USP14: variants seen among roughly 807,000 people sequenced by gnomAD.
The protein encoded by USP14 is ubiquitin specific peptidase 14, also known as ubiquitin carboxyl-terminal hydrolase 14.
In USP14, 38 loss-of-function variants were observed where a neutral mutation model predicts 76.5. The ratio of observed to expected loss-of-function variants is 0.50; its 90% CI spans 0.38 to 0.65. USP14 has a LOEUF of 0.65. Ranked by LOEUF, USP14 falls within the 30% of genes least tolerant of loss-of-function variation. The pLI is 0.00. For missense variants in USP14, 467 were observed against 586.5 expected (o/e 0.80, Z 2.10); for synonymous variants, 192 against 191.7 (o/e 1.00, Z -0.01).
rs762045934 is a variant in USP14, at chr18:204,609, C to T, written c.1081C>T (p.Pro361Ser). 1.2e-6 allele frequency: 2 copies of T among 1,612,894 alleles called. No individual in the cohort carries two copies. The highest frequency in any genetic ancestry group is 2.7e-5 in the African/African-American group (2 of 74,836). The change falls in exon 13 of 16, where the codon CCA becomes TCA. Residue 361 changes from proline to serine, a missense_variant. Coordinates refer to ENST00000261601, the MANE Select transcript of USP14 (RefSeq NM_005151.4). Reference sequence around the variant, plus strand: ...GTTGGATATGTATGAACTGTGTACACCAGAACTTCAAGAGAAAATGGTGTC... The same window carrying T: ...GTTGGATATGTATGAACTGTGTACATCAGAACTTCAAGAGAAAATGGTGTC... ...LMLDMYELCT[P>S]ELQEKMVSFR...
At chr18:178,552 A>G (rs1458953247) in intron 3 of USP14, among the ~76,000 whole-genome samples, 1 of 152,160 alleles carries the variant, frequency 6.6e-6, no homozygotes, top group Non-Finnish European at 1.5e-5. Context: ...AACCACTACC[A>G]CAATCACGAT....
At chr18:175,419 C>G (rs181612315) in intron 3 of USP14, among the ~76,000 whole-genome samples, 10 of 152,252 alleles carry the variant, frequency 6.6e-5, no homozygotes, top group Admixed American at 2.6e-4. Flanking sequence ...TTCAGGAACT[C>G]TTTCTAGTTT....
chr18:185,010 AT>A (rs900904231), intron 5 of USP14, among the ~76,000 whole-genome samples: 7 of 152,168 alleles, frequency 4.6e-5, no homozygotes, highest in South Asian at 2.1e-4. Flanking sequence ...TTATAAAAAA[AT>A]CATCCTAAAA....
chr18:189,693 G>C (rs896233719), intron 5 of USP14, among the ~76,000 whole-genome samples: 4 of 152,260 alleles, frequency 2.6e-5, no homozygotes, highest in African/African-American at 9.6e-5. Flanking sequence ...ATGTTGGCCA[G>C]GATGGTCTCG....
intron 3 of USP14, among the ~76,000 whole-genome samples, chr18:175,763 AT>A (rs1909609982): frequency 6.6e-6 from 1 of 151,614 alleles, no homozygotes; most frequent in Admixed American, 6.6e-5. Flanking sequence ...TTGTATTAAT[AT>A]TTTTTCTTCC....
Position 213,930 on chromosome 18 carries a change from A to AAAG in USP14, c.*2647_*2649dup, listed in dbSNP as rs954142940. On this transcript the variant is annotated 3_prime_UTR_variant, in exon 16 of 16. Coordinates refer to ENST00000261601, the MANE Select transcript of USP14 (RefSeq NM_005151.4). ...TGAGGTTTTAGACTTCATTTCTTTT[A>AAAG]AAGTTGGCAAACAAACATTTTCTGT... 46 of 151,588 alleles carry AAAG rather than the reference A, an allele frequency of 3.0e-4. 1 individual carries two copies. Among genetic ancestry groups the AAAG allele is most frequent in the African/African-American group, 1.1e-3 (46 of 41,472 alleles). The allele number at this position is 151,588 out of a possible 1,614,324, so 9.4% of individuals were successfully genotyped here.
rs145952708 is a variant in USP14, at chr18:180,181, A to C, written c.301-55A>C. On this transcript the variant is annotated intron_variant, in intron 4 of 15. Transcript: ENST00000261601. Reference sequence around the variant, plus strand: ...TTTAGTGATTTATATATGCCATGTCATTTTGTAAAAATGGTTTAATGATTT... The same window carrying C: ...TTTAGTGATTTATATATGCCATGTCCTTTTGTAAAAATGGTTTAATGATTT... 2,935 of 1,005,514 alleles carry C rather than the reference A, an allele frequency of 2.9e-3. 64 individuals carry two copies. The African/African-American group carries it at 0.043, about 15-fold the overall frequency. The allele number at this position is 1,005,514 out of a possible 1,614,324, so 62.3% of individuals were successfully genotyped here.
chr18:182,282 A>ACT (rs1299478477), intron 5 of USP14, among the ~76,000 whole-genome samples: 1 of 152,198 alleles, frequency 6.6e-6, no homozygotes, highest in Non-Finnish European at 1.5e-5. Flanking sequence ...AATTTATACA[A>ACT]CTGTCTTGAT....
intron 7 of USP14, 142 bp downstream of exon 7, chr18:196,909 A>G: frequency 9.5e-7 from 1 of 1,052,660 alleles, no homozygotes; most frequent in South Asian, 1.6e-5. Context: ...CTGGAGCCGC[A>G]CAGTAGTCTT....
intron 1 of USP14, among the ~76,000 whole-genome samples, chr18:160,309 A>C (rs1909082200): frequency 6.6e-6 from 1 of 152,206 alleles, no homozygotes; most frequent in African/African-American, 2.4e-5. Context: ...GGTCTCAAGA[A>C]AAGAAAAAAA....
intron 3 of USP14, among the ~76,000 whole-genome samples, chr18:178,247 A>G (rs1397302855): frequency 6.6e-6 from 1 of 151,866 alleles, no homozygotes. Flanking sequence ...CTTGAACTGG[A>G]CTCCAACCAT....
intron 5 of USP14, among the ~76,000 whole-genome samples, chr18:183,984 A>G (rs778547839): frequency 9.2e-5 from 14 of 151,460 alleles, no homozygotes; most frequent in Non-Finnish European, 1.9e-4. Flanking sequence ...TTTCCTCTTT[A>G]CTGTTTTCTT....
Position 214,509 on chromosome 18 carries a change from C to G in USP14, c.*3225C>G, listed in dbSNP as rs1467094224. Reference sequence around the variant, plus strand: ...CTATTGTTCTCAGAGCACCAGCCGACTGTACAACAATTGTTATAAAAATGT... The same window carrying G: ...CTATTGTTCTCAGAGCACCAGCCGAGTGTACAACAATTGTTATAAAAATGT... On this transcript the variant is annotated 3_prime_UTR_variant, in exon 16 of 16. Transcript: ENST00000261601. 3.7e-6 allele frequency: 3 copies of G among 821,304 alleles called. No individual in the cohort carries two copies. The highest frequency in any genetic ancestry group is 5.6e-6 in the Non-Finnish European group (3 of 536,880). 50.9% of individuals were successfully genotyped at this position (821,304 alleles called of 1,614,324 possible).
At chr18:173,727 A>G (rs955016777) in intron 3 of USP14, among the ~76,000 whole-genome samples, 2 of 152,110 alleles carry the variant, frequency 1.3e-5, no homozygotes, top group African/African-American at 4.8e-5. Context: ...CCGGTCTATT[A>G]TCTGTTTTGA....
intron 12 of USP14, 104 bp downstream of exon 12, chr18:203,294 T>C: frequency 1.8e-6 from 2 of 1,084,274 alleles, no homozygotes; most frequent in Non-Finnish European, 2.7e-6. Flanking sequence ...AAGCTTTCTT[T>C]GAAATATTTA....
At position 178,994 on chromosome 18, in the gene USP14, C is replaced by T. The variant is rs1272026914; in HGVS notation, c.257C>T (p.Thr86Ile). The change falls in exon 4 of 16, where the codon ACT becomes ATT. Residue 86 changes from threonine to isoleucine, a missense_variant. Transcript: ENST00000261601. ...DALPEEPSAKTVFVEDMTEEQ... is the reference protein window; with the variant it reads ...DALPEEPSAKIVFVEDMTEEQ... ...CTTCCAGAAGAACCCTCAGCCAAAA[C>T]TGTCTTCGTAGAAGACATGACAGAA... The T allele has an allele frequency of 4.3e-6, 7 of 1,613,286 alleles. No individual in the cohort carries two copies. Among genetic ancestry groups the T allele is most frequent in the Non-Finnish European group, 5.9e-6 (7 of 1,179,712 alleles).
intron 5 of USP14, among the ~76,000 whole-genome samples, chr18:189,481 T>G (rs1009810537): frequency 6.6e-6 from 1 of 151,940 alleles, no homozygotes; most frequent in African/African-American, 2.4e-5. Context: ...GTTTTGTTTG[T>G]TTTTTCTTTG....
Position 180,211 on chromosome 18 carries a change from CTTTTTTTT to C in USP14, c.301-16_301-9del. Reference sequence around the variant, plus strand: ...GTAAAAATGGTTTAATGATTTAATCCTTTTTTTTTTTTTTTTCCAACTAGATGGAGTTA... The same window carrying C: ...GTAAAAATGGTTTAATGATTTAATCCTTTTTTTTCCAACTAGATGGAGTTA... On this transcript the variant is annotated splice_polypyrimidine_tract_variant and intron_variant, in intron 4 of 15. Transcript: ENST00000261601. 1 of 983,886 alleles carries C rather than the reference CTTTTTTTT, an allele frequency of 1.0e-6. No individual in the cohort carries two copies. The highest frequency in any genetic ancestry group is 1.8e-5 in the South Asian group (1 of 54,694). 60.9% of individuals were successfully genotyped at this position (983,886 alleles called of 1,614,324 possible). A position where few individuals can be genotyped will look rare whatever the true frequency, so the allele number is the denominator to read the frequency against.
At chr18:210,639 G>A in intron 15 of USP14, 146 bp downstream of exon 15, 1 of 503,664 alleles carries the variant, frequency 2.0e-6, no homozygotes, top group Non-Finnish European at 3.4e-6. Flanking sequence ...TATGAGGTTT[G>A]CCTCTCTTAA....
Sources: allele counts gnomAD v4.1 joint callset (sites outside exome capture counted in the v4.1 genomes callset), GRCh38; gene constraint gnomAD v4.1.1; transcripts MANE v1.5; gene names NCBI Gene and HGNC (gene_info 2026-07-23, HGNC 2026-07-21).